Variants in AP3S2 observed in about 807,000 individuals in gnomAD.
AP3S2 encodes adaptor related protein complex 3 subunit sigma 2.
AP3S2 carries 22 observed loss-of-function variants against 23.4 expected under a neutral mutation model. That is an observed-to-expected ratio of 0.94 (90% CI 0.67 to 1.34). AP3S2 has a LOEUF of 1.34. AP3S2 is among the 40% of genes most tolerant of loss of function. The probability of loss-of-function intolerance (pLI) is 0.00; values close to 1 mark genes in which losing one functional copy is unlikely to be tolerated. For synonymous variants in AP3S2, 86 were observed against 87.1 expected (o/e 0.99, Z 0.07); for missense variants, 241 against 236.9 (o/e 1.02, Z -0.11).
intron 4 of AP3S2, chr15:89,838,050 T>C: frequency 3.7e-6 from 1 of 272,596 alleles, no homozygotes; most frequent in Non-Finnish European, 7.2e-6. Flanking sequence ...TTCAGCCTCC[T>C]TCCAGGATTG....
At chr15:89,849,655 C>T (rs1488762173) in intron 4 of AP3S2, among the ~76,000 whole-genome samples, 5 of 152,126 alleles carry the variant, frequency 3.3e-5, no homozygotes, top group African/African-American at 1.2e-4. Flanking sequence ...GCATGAGCCA[C>T]TGCGCCCAGC....
chr15:89,851,946 T>C (rs1895666141), intron 4 of AP3S2, among the ~76,000 whole-genome samples: 1 of 152,210 alleles, frequency 6.6e-6, no homozygotes, highest in Non-Finnish European at 1.5e-5. Flanking sequence ...CCTTGTCCTT[T>C]TGAATTTCAT....
intron 4 of AP3S2, among the ~76,000 whole-genome samples, chr15:89,843,055 G>A (rs1895370037): frequency 6.6e-6 from 1 of 151,718 alleles, no homozygotes; most frequent in African/African-American, 2.4e-5. Flanking sequence ...CGCGATCTCC[G>A]CTCACCACAA....
intron 1 of AP3S2, among the ~76,000 whole-genome samples, chr15:89,890,466 G>C (rs1457100769): frequency 6.6e-6 from 1 of 152,174 alleles, no homozygotes; most frequent in East Asian, 1.9e-4. Context: ...GGTTAAAAGG[G>C]TAAGAGAGGG....
Position 89,833,222 on chromosome 15 carries a change from C to G in AP3S2, c.*2293G>C, listed in dbSNP as rs1895117948. 6.6e-6 allele frequency: 1 copy of G among 152,216 alleles called. No homozygotes were observed. Among genetic ancestry groups the G allele is most frequent in the Non-Finnish European group, 1.5e-5 (1 of 68,048 alleles). 9.4% of individuals were successfully genotyped at this position (152,216 alleles called of 1,614,324 possible). On this transcript the variant is annotated 3_prime_UTR_variant, in exon 6 of 6. Coordinates refer to ENST00000336418, the MANE Select transcript of AP3S2 (RefSeq NM_005829.5). ...TCAACATCAGTTAAATGGAGGGACA[C>G]AGACGACTCTTTGGCTCTTATACTC...
chr15:89,847,547 T>G (rs1038782682), intron 4 of AP3S2, among the ~76,000 whole-genome samples: 12 of 152,104 alleles, frequency 7.9e-5, no homozygotes, highest in African/African-American at 2.9e-4. Flanking sequence ...GCAACAACCC[T>G]CCGGAAGGAC....
chr15:89,859,378 C>T (rs1340485952), intron 4 of AP3S2, among the ~76,000 whole-genome samples: 9 of 97,286 alleles, frequency 9.3e-5, no homozygotes, highest in African/African-American at 3.5e-4. Context: ...TCCTTCCTTC[C>T]TTCCTTCCTT....
chr15:89,849,330 C>CT (rs1895577563), intron 4 of AP3S2, among the ~76,000 whole-genome samples: 1 of 151,894 alleles, frequency 6.6e-6, no homozygotes, highest in Non-Finnish European at 1.5e-5. Context: ...GGGGGGAGTG[C>CT]TTTTTTTGCA....
chr15:89,868,219 G>T (rs1245670683), intron 4 of AP3S2, among the ~76,000 whole-genome samples: 2 of 55,384 alleles, frequency 3.6e-5, no homozygotes, highest in Admixed American at 1.5e-4. Context: ...GAGGTGGGGG[G>T]GTCAGCCCTC....
chr15:89,850,019 T>C (rs1245842585), intron 4 of AP3S2, among the ~76,000 whole-genome samples: 2 of 152,212 alleles, frequency 1.3e-5, no homozygotes, highest in African/African-American at 4.8e-5. Flanking sequence ...ATCCTTTTTT[T>C]ATGGCTGCAT....
intron 4 of AP3S2, chr15:89,838,073 G>C: frequency 8.0e-6 from 2 of 250,380 alleles, no homozygotes; most frequent in South Asian, 9.3e-5. Context: ...GTGAGGACTG[G>C]ATGAGATAAA....
chr15:89,885,190 T>G (rs1896666199), intron 3 of AP3S2, among the ~76,000 whole-genome samples: 1 of 151,902 alleles, frequency 6.6e-6, no homozygotes, highest in Non-Finnish European at 1.5e-5. Context: ...TTTGGGCAGT[T>G]TTTTGTTCTT....
rs1896046190 is a variant in AP3S2 at position 89,863,280 on chromosome 15, A to C, written c.345+8195T>G. 1.3e-5 allele frequency among the ~76,000 whole-genome samples: 2 copies of C among 152,220 alleles called. 1 individual carries two copies. Among genetic ancestry groups the C allele is most frequent in the South Asian group, 4.1e-4 (2 of 4,824 alleles). ...GAAAGTAGAATTAAAGACTGGGCGTAAATCACCCACGAATTCAAGTTCACC... is the reference window on the plus strand; with the variant it reads ...GAAAGTAGAATTAAAGACTGGGCGTCAATCACCCACGAATTCAAGTTCACC... On this transcript the variant is annotated intron_variant, in intron 4 of 5. Coordinates refer to ENST00000336418, the MANE Select transcript of AP3S2 (RefSeq NM_005829.5).
At chr15:89,885,576 ACAATG>A (rs1428743209) in intron 3 of AP3S2, among the ~76,000 whole-genome samples, 44 of 152,150 alleles carry the variant, frequency 2.9e-4, no homozygotes, top group African/African-American at 1.0e-3. Flanking sequence ...TCCCTTTAAA[ACAATG>A]TTTTCTATTT....
chr15:89,893,507 T>C, intron 1 of AP3S2: 1 of 398,888 alleles, frequency 2.5e-6, no homozygotes, highest in Non-Finnish European at 4.4e-6. Flanking sequence ...ACTTAATATT[T>C]CTTCCTCATG....
intron 3 of AP3S2, among the ~76,000 whole-genome samples, chr15:89,878,050 TTG>T (rs999189889): frequency 6.6e-6 from 1 of 152,228 alleles, no homozygotes; most frequent in African/African-American, 2.4e-5. Context: ...ATGCATTTTT[TTG>T]TGTCTGTTAT....
intron 4 of AP3S2, among the ~76,000 whole-genome samples, chr15:89,868,596 C>T (rs1896224592): frequency 8.0e-6 from 1 of 125,338 alleles, no homozygotes; most frequent in South Asian, 2.7e-4. Flanking sequence ...CGGCCAGCCG[C>T]CCCGTCTGGG....
At chr15:89,885,287 C>A (rs1188201574) in intron 3 of AP3S2, among the ~76,000 whole-genome samples, 1 of 152,036 alleles carries the variant, frequency 6.6e-6, no homozygotes, top group Non-Finnish European at 1.5e-5. Flanking sequence ...CTCTGCCTCC[C>A]AGGTTCAGGT....
At chr15:89,867,299 C>T (rs1391348527) in intron 4 of AP3S2, among the ~76,000 whole-genome samples, 1 of 150,860 alleles carries the variant, frequency 6.6e-6, no homozygotes, top group Non-Finnish European at 1.5e-5. Context: ...CAGACGGAGT[C>T]TCGTTCACTC....
Sources: allele counts gnomAD v4.1 joint callset (sites outside exome capture counted in the v4.1 genomes callset), GRCh38; gene constraint gnomAD v4.1.1; transcripts MANE v1.5; gene names NCBI Gene and HGNC (gene_info 2026-07-23, HGNC 2026-07-21).